SCP2: variants seen among roughly 807,000 people sequenced by gnomAD.
The protein encoded by SCP2 is SCP-2/3-oxoacyl-CoA thiolase.
A neutral mutation model predicts 71.4 loss-of-function variants in SCP2; 48 were observed. The ratio of observed to expected loss-of-function variants is 0.67; its 90% CI spans 0.53 to 0.86. The LOEUF (loss-of-function observed/expected upper bound fraction) is 0.86, where lower values mean the gene tolerates loss of function less well. Among genes scored for constraint, SCP2 ranks in the 40% least tolerant of loss-of-function variants. The pLI is 0.00. For synonymous variants in SCP2, 220 were observed against 218.1 expected, an observed-to-expected ratio of 1.01 and a Z score of -0.08; for missense variants, 560 against 655.6, an observed-to-expected ratio of 0.85 and a Z score of 1.59.
chr1:52,962,047 G>A (rs1443617512), intron 6 of SCP2, among the ~76,000 whole-genome samples: 1 of 152,100 alleles, frequency 6.6e-6, no homozygotes, highest in Non-Finnish European at 1.5e-5. Flanking sequence ...GACTACAGAT[G>A]TGCACCACCA....
chr1:52,957,012 C>T (rs1033852970), intron 5 of SCP2, among the ~76,000 whole-genome samples: 10 of 149,832 alleles, frequency 6.7e-5, no homozygotes, highest in Non-Finnish European at 1.2e-4. Context: ...TGGGTTCAAG[C>T]GATTCTCCTG....
intron 6 of SCP2, among the ~76,000 whole-genome samples, chr1:52,965,048 A>C (rs1249456860): frequency 6.6e-6 from 1 of 152,078 alleles, no homozygotes; most frequent in African/African-American, 2.4e-5. Flanking sequence ...ACAACAACAA[A>C]ATTAATTTAA....
At chr1:52,998,400 G>T (rs929735337) in intron 11 of SCP2, among the ~76,000 whole-genome samples, 9 of 152,082 alleles carry the variant, frequency 5.9e-5, no homozygotes, top group African/African-American at 2.2e-4. Context: ...ATTTGAGACC[G>T]GCCTGGGCAG....
chr1:53,049,086 C>G (rs1664031727), intron 15 of SCP2: 1 of 152,212 alleles, frequency 6.6e-6, no homozygotes, highest in South Asian at 2.1e-4. Flanking sequence ...CAGCTGAATA[C>G]ACACCATTGG....
intron 12 of SCP2, among the ~76,000 whole-genome samples, chr1:53,027,249 T>C (rs1021778748): frequency 4.5e-4 from 69 of 152,090 alleles, no homozygotes; most frequent in Non-Finnish European, 8.8e-5. Context: ...GAGACGGGGT[T>C]TCAACATGTT....
At chr1:53,006,433 G>A (rs1259870935) in intron 11 of SCP2, among the ~76,000 whole-genome samples, 4 of 151,974 alleles carry the variant, frequency 2.6e-5, no homozygotes, top group Non-Finnish European at 4.4e-5. Context: ...CGGATCTCTC[G>A]GCAGAAACTC....
intron 14 of SCP2, among the ~76,000 whole-genome samples, chr1:53,047,309 A>G (rs920002991): frequency 2.0e-5 from 3 of 152,174 alleles, no homozygotes; most frequent in Admixed American, 2.0e-4. Flanking sequence ...GTGACATCTC[A>G]TTATCTTTGC....
chr1:53,047,350 G>A (rs80069702), intron 14 of SCP2, among the ~76,000 whole-genome samples: 3,992 of 152,228 alleles, frequency 0.026, 84 homozygotes, highest in Middle Eastern at 0.044. Flanking sequence ...CAAGTCACAG[G>A]TTCTACTCAC....
intron 11 of SCP2, among the ~76,000 whole-genome samples, chr1:53,007,732 GC>G (rs1349978922): frequency 6.6e-6 from 1 of 152,042 alleles, no homozygotes; most frequent in African/African-American, 2.4e-5. Flanking sequence ...AGAAGCAAGA[GC>G]AAACACATTC....
intron 6 of SCP2, among the ~76,000 whole-genome samples, chr1:52,971,256 G>A (rs546893525): frequency 4.3e-4 from 65 of 152,142 alleles, no homozygotes; most frequent in African/African-American, 1.4e-3. Context: ...GATTACAGGC[G>A]TGAGCCACCG....
chr1:53,016,790 T>C (rs193100314), intron 12 of SCP2, among the ~76,000 whole-genome samples: 64 of 152,340 alleles, frequency 4.2e-4, no homozygotes, highest in African/African-American at 1.5e-3. Flanking sequence ...GTTTGGAATT[T>C]ATCCTATAGA....
intron 8 of SCP2, among the ~76,000 whole-genome samples, chr1:52,977,891 A>T (rs1658121895): frequency 1.3e-5 from 2 of 151,618 alleles, no homozygotes; most frequent in Non-Finnish European, 2.9e-5. Context: ...ACCGGGGAGG[A>T]GGAGGTTGCA....
intron 1 of SCP2, among the ~76,000 whole-genome samples, chr1:52,929,680 T>G (rs946093997): frequency 1.3e-5 from 2 of 152,182 alleles, no homozygotes; most frequent in African/African-American, 2.4e-5. Flanking sequence ...TGGAATGCAG[T>G]GGCGCGATCT....
Position 53,037,924 on chromosome 1 carries a change from AC to A in SCP2, c.1339-992del, listed in dbSNP as rs1231676543. On this transcript the variant is annotated intron_variant, in intron 13 of 15. Transcript: ENST00000371514. ...CACACACACACACACACACACACAC[AC>A]ACACAGATCCAGATCCTGTCTCTAT... Among the ~76,000 whole-genome samples the A allele has an allele frequency of 5.4e-5, 7 of 130,214 alleles. No individual in the cohort carries two copies. The South Asian group carries it at 8.3e-4, about 15-fold the overall frequency. 85.4% of individuals were successfully genotyped at this position (130,214 alleles called of 152,430 possible).
intron 2 of SCP2, among the ~76,000 whole-genome samples, chr1:52,947,664 C>T (rs567562457): frequency 1.3e-3 from 194 of 152,228 alleles, no homozygotes; most frequent in African/African-American, 4.6e-3. Context: ...TCATTTTACC[C>T]TCTAGATGTG....
intron 11 of SCP2, 98 bp downstream of exon 11, chr1:52,988,234 A>C: frequency 4.2e-6 from 3 of 722,362 alleles, no homozygotes; most frequent in Non-Finnish European, 7.6e-6. Flanking sequence ...TATTCTCTGA[A>C]CTTGGTAGCT....
Position 52,976,707 on chromosome 1 carries a change from C to A in SCP2, c.612C>A (p.Tyr204Ter). 1.3e-6 allele frequency: 2 copies of A among 1,560,702 alleles called. No homozygotes were observed. The highest frequency in any genetic ancestry group is 1.1e-5 in the South Asian group (1 of 89,894). ...GGTATTCCCAGTTCCAAGATGAATA[C>A]AGTTTAGATGAAGTGATGGCATCTA... ...NNPYSQFQDE[Y>*]SLDEVMASKE... The change falls in exon 8 of 16, where the codon TAC (tyrosine) becomes TAA (stop). Residue 204 changes from tyrosine to a stop codon, truncating the protein, a stop_gained. Coordinates refer to ENST00000371514, the MANE Select transcript of SCP2 (RefSeq NM_002979.5). LOFTEE classifies it high-confidence loss of function.
chr1:52,994,276 T>C (rs1659769813), intron 11 of SCP2: 1 of 999,280 alleles, frequency 1.0e-6, no homozygotes, highest in South Asian at 4.4e-5. Flanking sequence ...AGAAGTGACT[T>C]AAATCCTCCT....
intron 12 of SCP2, among the ~76,000 whole-genome samples, chr1:53,025,879 T>C (rs1662095876): frequency 6.6e-6 from 1 of 152,232 alleles, no homozygotes; most frequent in South Asian, 2.1e-4. Context: ...TTGGCCTGCC[T>C]GCATCATCAT....
Sources: gnomAD v4.1 joint callset for allele counts (sites outside exome capture counted in the v4.1 genomes callset) on GRCh38, gnomAD v4.1.1 for gene constraint, MANE v1.5 for transcripts, NCBI Gene and HGNC (gene_info 2026-07-23, HGNC 2026-07-21) for gene names.